Variants in PPP1R14C observed in about 807,000 individuals in gnomAD.
The protein encoded by PPP1R14C is protein phosphatase 1 regulatory inhibitor subunit 14C.
In PPP1R14C, 16 loss-of-function variants were observed where a neutral mutation model predicts 20.4. The observed-to-expected ratio is 0.78, with a 90% CI of 0.53 to 1.19. The LOEUF (loss-of-function observed/expected upper bound fraction) is 1.19. Ranked by LOEUF, PPP1R14C falls within the 50% of genes most tolerant of loss-of-function variation. The pLI is 0.00. For missense variants in PPP1R14C, 211 were observed against 220.1 expected (o/e 0.96, Z 0.26); for synonymous variants, 91 against 91.0 (o/e 1.00, Z 0.00).
In PPP1R14C at chr6:150,187,850, T is replaced by C. The variant is rs552025591; in HGVS notation, c.307-26894T>C. Among the ~76,000 whole-genome samples the C allele has an allele frequency of 2.6e-5, 4 of 152,360 alleles. No homozygotes were observed. In the East Asian group the frequency reaches 7.7e-4, roughly 29 times the overall value. On this transcript the variant is annotated intron_variant, in intron 1 of 3. Coordinates refer to ENST00000361131, the MANE Select transcript of PPP1R14C (RefSeq NM_030949.3). ...TCCTTGACCACAGTTAAATGGTACT[T>C]GACTTAGTCATTGTTTTTTATTTTT...
chr6:150,158,808 A>G (rs1777333276), intron 1 of PPP1R14C, among the ~76,000 whole-genome samples: 1 of 152,216 alleles, frequency 6.6e-6, no homozygotes, highest in African/African-American at 2.4e-5. Flanking sequence ...GAATAGCTCA[A>G]TTGGTGTTTT....
intron 1 of PPP1R14C, chr6:150,195,989 G>C: frequency 1.0e-6 from 1 of 985,442 alleles, no homozygotes; most frequent in Non-Finnish European, 1.2e-6. Context: ...CTTGGTCGCT[G>C]TCTGGGCTGA....
At chr6:150,195,759 C>T (rs1038173851) in intron 1 of PPP1R14C, 2 of 797,882 alleles carry the variant, frequency 2.5e-6, no homozygotes, top group African/African-American at 3.7e-5. Context: ...TTGCAACCAT[C>T]CCCACCATTC....
intron 3 of PPP1R14C, among the ~76,000 whole-genome samples, chr6:150,238,796 G>A (rs1379635983): frequency 6.6e-6 from 1 of 152,232 alleles, no homozygotes; most frequent in Non-Finnish European, 1.5e-5. Context: ...CAAGAAGCCT[G>A]GATTCAAACA....
rs192305683 is a variant in PPP1R14C, at chr6:150,186,982, T to G, written c.307-27762T>G. Among the ~76,000 whole-genome samples, 239 of 148,246 alleles carry G rather than the reference T, an allele frequency of 1.6e-3. 1 individual carries two copies. Among genetic ancestry groups the G allele is most frequent in the African/African-American group, 5.7e-3 (232 of 40,836 alleles). Reference sequence around the variant, plus strand: ...TTTTAAGTTATGCTTGACTTAGTCTTTTTTTTTTTTGAGACGGAGTTTCAC... The same window carrying G: ...TTTTAAGTTATGCTTGACTTAGTCTGTTTTTTTTTTGAGACGGAGTTTCAC... On this transcript the variant is annotated intron_variant, in intron 1 of 3. Coordinates refer to ENST00000361131, the MANE Select transcript of PPP1R14C (RefSeq NM_030949.3).
Position 150,143,524 on chromosome 6 carries a change from T to TGGGGGGGG in PPP1R14C, c.306+26_306+27insGGGGGGGG. ...GTACCTGGGCGCGGGGCTGGGAGGG[T>TGGGGGGGG]CGGGGACCTCTCTAGCTCCTCTGTG... On this transcript the variant is annotated intron_variant, in intron 1 of 3. Transcript: ENST00000361131. The surrounding 1 kb of genome is among the most constrained non-coding windows in gnomAD (Gnocchi z 5.6). 1 of 821,478 alleles carries TGGGGGGGG rather than the reference T, an allele frequency of 1.2e-6. No homozygotes were observed. The highest frequency in any genetic ancestry group is 2.0e-6 in the Non-Finnish European group (1 of 512,156). The allele number at this position is 821,478 out of a possible 1,614,324, so 50.9% of individuals were successfully genotyped here.
Position 150,177,567 on chromosome 6 carries a change from C to T in PPP1R14C, c.306+34069C>T, listed in dbSNP as rs565703504. On this transcript the variant is annotated intron_variant, in intron 1 of 3. Coordinates refer to ENST00000361131, the MANE Select transcript of PPP1R14C (RefSeq NM_030949.3). ...ACAGATAGCCTTACTGTTCCTTTCCCCCCTCAGTCCCTCTCTGTCTCTCTC... is the reference window on the plus strand; with the variant it reads ...ACAGATAGCCTTACTGTTCCTTTCCTCCCTCAGTCCCTCTCTGTCTCTCTC... Among the ~76,000 whole-genome samples the T allele has an allele frequency of 2.6e-5, 4 of 152,308 alleles. No homozygotes were observed. The East Asian group carries it at 7.7e-4, about 29-fold the overall frequency.
chr6:150,165,345 A>G (rs1318991222), intron 1 of PPP1R14C, among the ~76,000 whole-genome samples: 4 of 152,248 alleles, frequency 2.6e-5, no homozygotes, highest in African/African-American at 9.6e-5. Context: ...GTCCAAGAAA[A>G]GATACTCAGA....
chr6:150,211,356 C>T (rs1483989056), intron 1 of PPP1R14C, among the ~76,000 whole-genome samples: 2 of 152,204 alleles, frequency 1.3e-5, no homozygotes, highest in African/African-American at 4.8e-5. Flanking sequence ...ACAGGAGGGC[C>T]TCTCACTAAT....
rs1170885118 is a variant in PPP1R14C, at chr6:150,201,200, G to A, written c.307-13544G>A. On this transcript the variant is annotated intron_variant, in intron 1 of 3. Coordinates refer to ENST00000361131, the MANE Select transcript of PPP1R14C (RefSeq NM_030949.3). This position sits in a 1 kb window ranked among gnomAD's most constrained non-coding sequence, Gnocchi z 4.2. ...TTATTTTATTTACAAAATGATTATC[G>A]GGGTCATGTGTCAGGCGCTATCCCA... 6.6e-6 allele frequency among the ~76,000 whole-genome samples: 1 copy of A among 152,254 alleles called. No homozygotes were observed. The highest frequency in any genetic ancestry group is 2.4e-5 in the African/African-American group (1 of 41,536).
intron 1 of PPP1R14C, among the ~76,000 whole-genome samples, chr6:150,178,014 G>C (rs151105185): frequency 6.6e-6 from 1 of 152,334 alleles, no homozygotes; most frequent in East Asian, 1.9e-4. Flanking sequence ...AGAATGTGCT[G>C]TTCCCAGGCA....
intron 1 of PPP1R14C, among the ~76,000 whole-genome samples, chr6:150,181,900 T>C (rs1777625652): frequency 6.6e-6 from 1 of 152,256 alleles, no homozygotes; most frequent in Non-Finnish European, 1.5e-5. Flanking sequence ...AATTACTTAC[T>C]GCAGTAAATG....
At chr6:150,194,899 T>C in intron 1 of PPP1R14C, 1 of 985,446 alleles carries the variant, frequency 1.0e-6, no homozygotes, top group Non-Finnish European at 1.2e-6. Context: ...AAGGTGAGAT[T>C]GACTCAGTTC....
chr6:150,205,200 A>G (rs984702190), intron 1 of PPP1R14C, among the ~76,000 whole-genome samples: 4 of 151,914 alleles, frequency 2.6e-5, no homozygotes, highest in African/African-American at 9.7e-5. Flanking sequence ...GGACCTAGAA[A>G]AGACCTCCTC....
At chr6:150,163,886 T>TA (rs1777397734) in intron 1 of PPP1R14C, among the ~76,000 whole-genome samples, 1 of 152,210 alleles carries the variant, frequency 6.6e-6, no homozygotes, top group Non-Finnish European at 1.5e-5. Flanking sequence ...TCTGTTGGCT[T>TA]ATATACAGAG....
At chr6:150,211,603 G>C (rs771171458) in intron 1 of PPP1R14C, among the ~76,000 whole-genome samples, 2 of 152,180 alleles carry the variant, frequency 1.3e-5, no homozygotes, top group Non-Finnish European at 2.9e-5. Context: ...AGAAGATAAA[G>C]TTAAATAGGA....
At chr6:150,217,762 A>G (rs760791555) in intron 3 of PPP1R14C, among the ~76,000 whole-genome samples, 1 of 152,224 alleles carries the variant, frequency 6.6e-6, no homozygotes, top group Non-Finnish European at 1.5e-5. Flanking sequence ...TGGAGAAATT[A>G]TAAGATCCGT....
chr6:150,248,676 C>T, intron 3 of PPP1R14C, 70 bp from the exon 4 acceptor site: 1 of 1,083,508 alleles, frequency 9.2e-7, no homozygotes, highest in Non-Finnish European at 1.4e-6. Context: ...ACATCAATTA[C>T]TTTAAGCAGA....
At chr6:150,248,242 A>G (rs946624723) in intron 3 of PPP1R14C, among the ~76,000 whole-genome samples, 1 of 152,174 alleles carries the variant, frequency 6.6e-6, no homozygotes, top group Non-Finnish European at 1.5e-5. Flanking sequence ...TGGAGGACAC[A>G]TTCAAACCAT....
Sources: allele counts gnomAD v4.1 joint callset (sites outside exome capture counted in the v4.1 genomes callset), GRCh38; gene constraint gnomAD v4.1.1; non-coding constraint Gnocchi (gnomAD v3.1); transcripts MANE v1.5; gene names NCBI Gene and HGNC (gene_info 2026-07-23, HGNC 2026-07-21).